The following SUPT3H variants were observed in gnomAD, a reference collection of about 807,000 sequenced individuals.
The protein encoded by SUPT3H is SPT3 homolog, SAGA and STAGA complex component.
SUPT3H carries 44 observed loss-of-function variants against 44.3 expected under a neutral mutation model. That is an observed-to-expected ratio of 0.99 (90% CI 0.78 to 1.28). SUPT3H has a LOEUF of 1.28. Among genes scored for constraint, SUPT3H ranks in the 50% most tolerant of loss-of-function variants. The probability of loss-of-function intolerance (pLI) is 0.00; values close to 1 mark genes in which losing one functional copy is unlikely to be tolerated. For missense variants in SUPT3H, 380 were observed against 387.1 expected, an observed-to-expected ratio of 0.98 and a Z score of 0.15; for synonymous variants, 124 against 125.6, an observed-to-expected ratio of 0.99 and a Z score of 0.09.
At chr6:45,167,329 T>C (rs1810053944) in intron 2 of SUPT3H, among the ~76,000 whole-genome samples, 1 of 152,200 alleles carries the variant, frequency 6.6e-6, no homozygotes, top group African/African-American at 2.4e-5. Context: ...CTGGAATTTC[T>C]CTTGGAACTT....
chr6:45,347,968 C>G (rs918310410), intron 2 of SUPT3H, among the ~76,000 whole-genome samples: 3 of 152,002 alleles, frequency 2.0e-5, no homozygotes, highest in Admixed American at 1.3e-4. Context: ...CAAACAAATG[C>G]ATTACTTTTA....
intron 6 of SUPT3H, among the ~76,000 whole-genome samples, chr6:44,966,198 C>T (rs1776745598): frequency 6.6e-6 from 1 of 152,152 alleles, no homozygotes; most frequent in African/African-American, 2.4e-5. Flanking sequence ...CTAAAGTATA[C>T]ACTGGCAGTC....
chr6:45,065,780 T>C lies in SUPT3H; in HGVS notation c.186+40142A>G, dbSNP rs1435550708. Among the ~76,000 whole-genome samples, 6 of 151,956 alleles carry C rather than the reference T, an allele frequency of 3.9e-5. No homozygotes were observed. In the East Asian group the frequency reaches 7.8e-4, roughly 20 times the overall value. ...ACCAGGAAGAAGTTGAATCTCTGAA[T>C]AGACCAATAACAGGAGCTGAAATTA... On this transcript the variant is annotated intron_variant, in intron 3 of 10. Transcript: ENST00000371459.
intron 2 of SUPT3H, among the ~76,000 whole-genome samples, chr6:45,213,454 C>T (rs1764462739): frequency 6.6e-6 from 1 of 151,946 alleles, no homozygotes; most frequent in Non-Finnish European, 1.5e-5. Context: ...AAATATTTAA[C>T]ATCACTGAGG....
At chr6:44,919,360 C>T (rs1158876076) in intron 10 of SUPT3H, among the ~76,000 whole-genome samples, 2 of 151,986 alleles carry the variant, frequency 1.3e-5, no homozygotes, top group African/African-American at 4.8e-5. Flanking sequence ...AATTCATTAA[C>T]GGTTTAGAAA....
At chr6:44,859,963 G>A (rs1395743658) in intron 10 of SUPT3H, among the ~76,000 whole-genome samples, 1 of 151,990 alleles carries the variant, frequency 6.6e-6, no homozygotes, top group South Asian at 2.1e-4. Flanking sequence ...ATGAGATTGG[G>A]GAATCAAACA....
intron 11 of SUPT3H, among the ~76,000 whole-genome samples, chr6:44,811,192 A>T (rs1766495518): frequency 6.6e-6 from 1 of 151,982 alleles, no homozygotes; most frequent in African/African-American, 2.4e-5. Context: ...CTTGGCTATG[A>T]TAGTTTCTCA....
At chr6:44,901,287 C>T (rs889666936) in intron 10 of SUPT3H, among the ~76,000 whole-genome samples, 1 of 152,070 alleles carries the variant, frequency 6.6e-6, no homozygotes, top group Non-Finnish European at 1.5e-5. Flanking sequence ...AAAAATTAGA[C>T]GAATGGCTAA....
chr6:44,940,793 G>A (rs1381868482), intron 9 of SUPT3H, among the ~76,000 whole-genome samples: 1 of 152,108 alleles, frequency 6.6e-6, no homozygotes, highest in Non-Finnish European at 1.5e-5. Flanking sequence ...TTGCTGAACT[G>A]ATTCCTTTAT....
chr6:44,937,751 T>C (rs779329634), intron 9 of SUPT3H, among the ~76,000 whole-genome samples: 58 of 152,144 alleles, frequency 3.8e-4, no homozygotes, highest in Admixed American at 1.3e-4. Flanking sequence ...ATTCATTTCC[T>C]TTGACTAGTT....
At chr6:45,053,740 CAAAAAAAAAAAA>C (rs57736879) in intron 3 of SUPT3H, among the ~76,000 whole-genome samples, 7 of 59,444 alleles carry the variant, frequency 1.2e-4, no homozygotes, top group Admixed American at 2.2e-4. Context: ...ACTAAAAATA[CAAAAAAAAAAAA>C]AAAAAAAAAA....
chr6:44,941,499 A>C (rs1772431173), intron 9 of SUPT3H, among the ~76,000 whole-genome samples: 1 of 152,164 alleles, frequency 6.6e-6, no homozygotes, highest in African/African-American at 2.4e-5. Flanking sequence ...TTTGCTGAGA[A>C]GTCTGCTGTT....
At chr6:45,196,876 G>A (rs1357976262) in intron 2 of SUPT3H, among the ~76,000 whole-genome samples, 1 of 151,614 alleles carries the variant, frequency 6.6e-6, no homozygotes, top group Non-Finnish European at 1.5e-5. Flanking sequence ...GACTTACAGT[G>A]TTGCTATATT....
At chr6:44,859,986 T>C (rs1774360502) in intron 10 of SUPT3H, among the ~76,000 whole-genome samples, 1 of 152,144 alleles carries the variant, frequency 6.6e-6, no homozygotes, top group African/African-American at 2.4e-5. Context: ...GAATGGGGAA[T>C]TCAGAAATGG....
At chr6:45,164,966 T>C (rs1809610915) in intron 2 of SUPT3H, among the ~76,000 whole-genome samples, 1 of 152,016 alleles carries the variant, frequency 6.6e-6, no homozygotes, top group South Asian at 2.1e-4. Flanking sequence ...AAGGCAAAGT[T>C]TGATTGCATA....
At chr6:45,250,754 G>A (rs1226966057) in intron 2 of SUPT3H, among the ~76,000 whole-genome samples, 1 of 150,944 alleles carries the variant, frequency 6.6e-6, no homozygotes, top group Non-Finnish European at 1.5e-5. Flanking sequence ...CAGAAAAAAA[G>A]ATCCTAAAAG....
chr6:45,311,921 AAAAC>A (rs1784018954), intron 2 of SUPT3H, among the ~76,000 whole-genome samples: 1 of 152,194 alleles, frequency 6.6e-6, no homozygotes, highest in Non-Finnish European at 1.5e-5. Flanking sequence ...AAAAACAAAA[AAAAC>A]AAAGTATAAA....
intron 2 of SUPT3H, among the ~76,000 whole-genome samples, chr6:45,272,282 C>T (rs920678023): frequency 6.6e-6 from 1 of 152,136 alleles, no homozygotes; most frequent in African/African-American, 2.4e-5. Context: ...CCACCCAAAC[C>T]TCATCTTGAA....
chr6:45,276,758 T>G (rs925779596), intron 2 of SUPT3H, among the ~76,000 whole-genome samples: 2 of 152,172 alleles, frequency 1.3e-5, no homozygotes, highest in Non-Finnish European at 2.9e-5. Context: ...TTCCTCCAAT[T>G]AAGGCCATCC....
Sources: allele counts gnomAD v4.1 joint callset (sites outside exome capture counted in the v4.1 genomes callset), GRCh38; gene constraint gnomAD v4.1.1; transcripts MANE v1.5; gene names NCBI Gene and HGNC (gene_info 2026-07-23, HGNC 2026-07-21).